PPP2R5E: variants seen among roughly 807,000 people sequenced by gnomAD.
PPP2R5E encodes the protein protein phosphatase 2 regulatory subunit B'epsilon.
In PPP2R5E, 4 loss-of-function variants were observed where a neutral mutation model predicts 65.3. That is an observed-to-expected ratio of 0.06 (90% CI 0.03 to 0.14). PPP2R5E has a LOEUF of 0.14. PPP2R5E is among the 10% of genes least tolerant of loss of function. The pLI, the probability that PPP2R5E is intolerant of heterozygous loss-of-function variation, is 1.00. For synonymous variants in PPP2R5E, 183 were observed against 187.4 expected (o/e 0.98, Z 0.19); for missense variants, 274 against 556.1 (o/e 0.49, Z 5.10).
At chr14:63,383,127 A>G (rs1039458272) in intron 12 of PPP2R5E, among the ~76,000 whole-genome samples, 27 of 152,202 alleles carry the variant, frequency 1.8e-4, no homozygotes, top group Admixed American at 1.3e-4. Flanking sequence ...ATGGTAGCCC[A>G]TACTTAACAA....
At chr14:63,510,596 T>G (rs372974779) in intron 2 of PPP2R5E, among the ~76,000 whole-genome samples, 4 of 152,324 alleles carry the variant, frequency 2.6e-5, no homozygotes, top group Admixed American at 6.5e-5. Flanking sequence ...GGAGACACGC[T>G]GAGTATCCGG....
At chr14:63,473,011 T>C (rs766385996) in intron 2 of PPP2R5E, among the ~76,000 whole-genome samples, 6 of 152,162 alleles carry the variant, frequency 3.9e-5, no homozygotes, top group Non-Finnish European at 7.4e-5. Context: ...TTGATGGCCG[T>C]GGAAGAATAG....
chr14:63,441,904 C>T (rs8003144), intron 3 of PPP2R5E, among the ~76,000 whole-genome samples: 3 of 142,216 alleles, frequency 2.1e-5, no homozygotes, highest in South Asian at 2.2e-4. Flanking sequence ...AGCAAGACTC[C>T]GTCTAAAAAA....
At chr14:63,541,068 A>AC (rs201093968) in intron 1 of PPP2R5E, among the ~76,000 whole-genome samples, 4,703 of 152,344 alleles carry the variant, frequency 0.031, 97 homozygotes, top group East Asian at 0.046. Flanking sequence ...CCAATGTATC[A>AC]CAGCAAGGTG....
At chr14:63,480,455 C>CA (rs1055168219) in intron 2 of PPP2R5E, among the ~76,000 whole-genome samples, 23 of 151,368 alleles carry the variant, frequency 1.5e-4, no homozygotes, top group Admixed American at 3.3e-4. Flanking sequence ...GACCCTGTCT[C>CA]AAAAAAAACA....
chr14:63,492,604 T>C (rs1891333421), intron 2 of PPP2R5E, among the ~76,000 whole-genome samples: 1 of 152,158 alleles, frequency 6.6e-6, no homozygotes, highest in Non-Finnish European at 1.5e-5. Flanking sequence ...TCACTGGAAA[T>C]GCACTCAGGA....
chr14:63,514,208 A>G (rs185775721), intron 2 of PPP2R5E, among the ~76,000 whole-genome samples: 4 of 152,400 alleles, frequency 2.6e-5, no homozygotes, highest in African/African-American at 7.2e-5. Flanking sequence ...CTAAATCTTT[A>G]TATCTGAATA....
intron 2 of PPP2R5E, among the ~76,000 whole-genome samples, chr14:63,475,652 C>T (rs1253943431): frequency 6.6e-6 from 1 of 152,006 alleles, no homozygotes; most frequent in Admixed American, 6.6e-5. Flanking sequence ...GGAGGAAAAA[C>T]TACAAAGGCA....
intron 3 of PPP2R5E, among the ~76,000 whole-genome samples, chr14:63,432,300 T>C (rs894812176): frequency 1.2e-4 from 19 of 152,324 alleles, no homozygotes; most frequent in African/African-American, 4.6e-4. Flanking sequence ...TTAGAAGCAG[T>C]CGGAGTATTT....
chr14:63,382,431 C>T (rs555823418), intron 12 of PPP2R5E, among the ~76,000 whole-genome samples: 34 of 141,522 alleles, frequency 2.4e-4, no homozygotes, highest in African/African-American at 8.0e-4. Flanking sequence ...AACGGAGTTT[C>T]GCTCTTGTTG....
chr14:63,523,426 C>G (rs1174704568), intron 2 of PPP2R5E, among the ~76,000 whole-genome samples: 1 of 152,076 alleles, frequency 6.6e-6, no homozygotes, highest in Admixed American at 6.5e-5. Flanking sequence ...CCTGTGCTCT[C>G]TGAAACATGT....
At chr14:63,381,641 C>T (rs774234308) in intron 13 of PPP2R5E, among the ~76,000 whole-genome samples, 1 of 152,204 alleles carries the variant, frequency 6.6e-6, no homozygotes, top group East Asian at 1.9e-4. Context: ...TAAATACAGT[C>T]ATGTGCCAAA....
At chr14:63,519,965 G>A (rs1171677233) in intron 2 of PPP2R5E, among the ~76,000 whole-genome samples, 2 of 150,808 alleles carry the variant, frequency 1.3e-5, no homozygotes, top group African/African-American at 2.4e-5. Context: ...TAGCTCCTAC[G>A]GACAAACTCT....
chr14:63,434,690 C>A (rs1406895260), intron 3 of PPP2R5E, among the ~76,000 whole-genome samples: 1 of 152,222 alleles, frequency 6.6e-6, no homozygotes. Flanking sequence ...AAACCAATTT[C>A]ACTCTCATTG....
intron 2 of PPP2R5E, among the ~76,000 whole-genome samples, chr14:63,479,872 C>T (rs1890604648): frequency 6.6e-6 from 1 of 152,246 alleles, no homozygotes; most frequent in African/African-American, 2.4e-5. Context: ...TCTGGTTCAA[C>T]CTAAAAGAAT....
chr14:63,429,939 C>T (rs1887544872), intron 3 of PPP2R5E, among the ~76,000 whole-genome samples: 1 of 152,056 alleles, frequency 6.6e-6, no homozygotes, highest in African/African-American at 2.4e-5. Context: ...CCGCCTTGGC[C>T]TCCCAAAGTG....
At chr14:63,518,216 C>T (rs1453051529) in intron 2 of PPP2R5E, among the ~76,000 whole-genome samples, 1 of 152,086 alleles carries the variant, frequency 6.6e-6, no homozygotes, top group African/African-American at 2.4e-5. Context: ...ACTGGGATTA[C>T]AAGCATAAGC....
intron 5 of PPP2R5E, among the ~76,000 whole-genome samples, chr14:63,400,679 G>A (rs917179840): frequency 1.5e-5 from 1 of 66,478 alleles, no homozygotes; most frequent in African/African-American, 4.9e-5. Flanking sequence ...AGGAAAGAAA[G>A]GCATGTGGCC....
intron 1 of PPP2R5E, among the ~76,000 whole-genome samples, chr14:63,540,813 G>A (rs1020070201): frequency 9.9e-5 from 15 of 151,930 alleles, no homozygotes; most frequent in African/African-American, 2.4e-4. Context: ...TAAGTATCAC[G>A]GAAACAATAT....
Sources: allele counts gnomAD v4.1 joint callset (sites outside exome capture counted in the v4.1 genomes callset), GRCh38; gene constraint gnomAD v4.1.1; transcripts MANE v1.5; gene names NCBI Gene and HGNC (gene_info 2026-07-23, HGNC 2026-07-21).